The following FER1L6 variants were observed in gnomAD, a reference collection of about 807,000 sequenced individuals.
FER1L6 encodes fer-1 like family member 6, also known as fer-1-like protein 6.
Under a neutral mutation model 219.2 loss-of-function variants are expected in FER1L6, and 177 were observed. That is an observed-to-expected ratio of 0.81 (90% CI 0.71 to 0.91). The LOEUF (loss-of-function observed/expected upper bound fraction) is 0.91. Among genes scored for constraint, FER1L6 ranks in the 40% least tolerant of loss-of-function variants. FER1L6 has a pLI of 0.00. For missense variants in FER1L6, 2,153 were observed against 2,259.9 expected, an observed-to-expected ratio of 0.95 and a Z score of 0.96; for synonymous variants, 768 against 824.3, an observed-to-expected ratio of 0.93 and a Z score of 1.17.
rs71289633 is a variant in FER1L6 at position 124,003,451 on chromosome 8, C to CTT, written c.1700+133_1700+134dup. 3.5e-3 allele frequency: 392 copies of CTT among 111,746 alleles called. 30 individuals are homozygous for CTT. The highest frequency in any genetic ancestry group is 5.1e-3 in the South Asian group (22 of 4,298). 6.9% of individuals were successfully genotyped at this position (111,746 alleles called of 1,614,324 possible). On this transcript the variant is annotated intron_variant, in intron 13 of 40. Coordinates refer to ENST00000522917, the MANE Select transcript of FER1L6 (RefSeq NM_001039112.2). ...GTTCTTCACTAAAATCAGAAATGTC[C>CTT]TTTTTTTTTTTTTTTTTTTTTTTTT... is the stretch of plus-strand genomic sequence containing the variant.
intron 24 of FER1L6, among the ~76,000 whole-genome samples, chr8:124,061,447 A>G (rs1170619204): frequency 6.6e-6 from 1 of 152,148 alleles, no homozygotes; most frequent in East Asian, 1.9e-4. Context: ...CAGGGAAAAC[A>G]GGTGGCTGGG....
chr8:124,029,793 C>T (rs1818878814), intron 18 of FER1L6, among the ~76,000 whole-genome samples: 1 of 152,160 alleles, frequency 6.6e-6, no homozygotes, highest in Non-Finnish European at 1.5e-5. Flanking sequence ...TCAATTTCTG[C>T]TTTTGTTGCA....
rs371815770 is a variant in FER1L6 at position 123,886,762 on chromosome 8, A to G, written c.-8+34577A>G. ...GTCACTCCACTTCACTATTATATGT[A>G]TATAGCCAGGCATTGGTATGTTAAG... On this transcript the variant is annotated intron_variant, in intron 1 of 40. Transcript: ENST00000522917. Among the ~76,000 whole-genome samples, 80 of 152,314 alleles carry G rather than the reference A, an allele frequency of 5.3e-4. 2 individuals carry two copies. The South Asian group carries it at 0.016, about 31-fold the overall frequency.
rs964077258 is a variant in FER1L6 at position 123,969,334 on chromosome 8, G to A, written c.385-701G>A. ...TGGTAAATCCTGGTAATTTCACAGG[G>A]ATGTTTGAAACTGAAAAATCCTGGG... On this transcript the variant is annotated intron_variant, in intron 5 of 40. Transcript: ENST00000522917. 4.6e-5 allele frequency among the ~76,000 whole-genome samples: 7 copies of A among 152,068 alleles called. No individual in the cohort carries two copies. The South Asian group carries it at 6.2e-4, about 14-fold the overall frequency.
At chr8:124,004,624 C>T (rs1264578695) in intron 13 of FER1L6, among the ~76,000 whole-genome samples, 2 of 152,030 alleles carry the variant, frequency 1.3e-5, no homozygotes, top group Non-Finnish European at 2.9e-5. Flanking sequence ...TCATTGTCTT[C>T]ACAGACAACT....
chr8:123,889,720 T>C (rs962699117), intron 1 of FER1L6, among the ~76,000 whole-genome samples: 8 of 152,068 alleles, frequency 5.3e-5, no homozygotes, highest in African/African-American at 1.7e-4. Context: ...ATTTAAATTA[T>C]AGACTTGAGA....
In FER1L6 at chr8:124,021,631, C is replaced by T. The variant is rs1278813442; in HGVS notation, c.2095C>T (p.Gln699Ter). Residue 699 changes from glutamine (Q) to a stop codon, truncating the protein, a stop_gained, in exon 17 of 41, where the codon CAA (glutamine) becomes TAA (stop). Coordinates refer to ENST00000522917, the MANE Select transcript of FER1L6 (RefSeq NM_001039112.2). LOFTEE classifies it high-confidence loss of function. ...TGTTGATGAAATGATTCACGAAGCC[C>T]AAAACTTTGTGGAAAAAATCCGCTT... ...LSVDEMIHEA[Q>*]NFVEKIRFLV... 6.2e-7 allele frequency: 1 copy of T among 1,613,870 alleles called. No individual in the cohort carries two copies. Among genetic ancestry groups the T allele is most frequent in the Non-Finnish European group, 8.5e-7 (1 of 1,179,936 alleles).
At chr8:123,948,742 G>A (rs1369219943) in intron 1 of FER1L6, among the ~76,000 whole-genome samples, 1 of 151,006 alleles carries the variant, frequency 6.6e-6, no homozygotes, top group Non-Finnish European at 1.5e-5. Context: ...GGCCTCCAGT[G>A]CAGTGTTAAA....
rs761370738 is a variant in FER1L6, at chr8:123,970,025, T to C, written c.385-10T>C. 9.9e-6 allele frequency: 16 copies of C among 1,613,612 alleles called. No individual in the cohort carries two copies. Among genetic ancestry groups the C allele is most frequent in the Non-Finnish European group, 1.4e-5 (16 of 1,179,634 alleles). On this transcript the variant is annotated splice_polypyrimidine_tract_variant and intron_variant, in intron 5 of 40. Coordinates refer to ENST00000522917, the MANE Select transcript of FER1L6 (RefSeq NM_001039112.2). ...GGGTTGATGACCAGAATGAACTTTT[T>C]GTTTTGCAGTACTTTGTCTTCGACT...
intron 36 of FER1L6, 88 bp from the exon 37 acceptor site, chr8:124,097,697 T>C (rs549673673): frequency 7.7e-6 from 6 of 774,470 alleles, no homozygotes; most frequent in African/African-American, 1.7e-5. Context: ...AGGAAACTTA[T>C]AGACCAAAGG....
intron 1 of FER1L6, among the ~76,000 whole-genome samples, chr8:123,884,987 C>T (rs1817173508): frequency 6.6e-6 from 1 of 152,004 alleles, no homozygotes. Context: ...CTAGAGTGTC[C>T]TTAAAAAAAG....
At position 123,966,043 on chromosome 8, in the gene FER1L6, C is replaced by A. The variant is rs1240263155; in HGVS notation, c.234C>A (p.Val78=). The A allele has an allele frequency of 2.5e-6, 4 of 1,613,654 alleles. No individual in the cohort carries two copies. The highest frequency in any genetic ancestry group is 3.4e-6 in the Non-Finnish European group (4 of 1,179,756). The change falls in exon 4 of 41, where the codon GTC becomes GTA. Residue 78 remains valine, a synonymous_variant. Coordinates refer to ENST00000522917, the MANE Select transcript of FER1L6 (RefSeq NM_001039112.2). ...TGACTAAGATCCATGATGGGGAGGT[C>A]AGATCCCAAAATTATCAAGTAAGTG... ...KLLTKIHDGE[V]RSQNYQIAIT...
intron 32 of FER1L6, among the ~76,000 whole-genome samples, chr8:124,081,185 T>G (rs191734277): frequency 6.6e-6 from 1 of 152,284 alleles, no homozygotes; most frequent in Non-Finnish European, 1.5e-5. Flanking sequence ...CCCAGCCCAG[T>G]TCATCCTGTA....
chr8:123,946,663 C>T (rs930639553), intron 1 of FER1L6, among the ~76,000 whole-genome samples: 13 of 152,096 alleles, frequency 8.5e-5, no homozygotes, highest in Admixed American at 5.2e-4. Flanking sequence ...CCCTCAGGTA[C>T]GAGAGGAGGA....
At chr8:124,094,238 G>T (rs1822176895) in intron 34 of FER1L6, among the ~76,000 whole-genome samples, 1 of 152,064 alleles carries the variant, frequency 6.6e-6, no homozygotes, top group African/African-American at 2.4e-5. Flanking sequence ...TTAGCAAACA[G>T]TTTTGCACCT....
intron 1 of FER1L6, among the ~76,000 whole-genome samples, chr8:123,930,359 G>C (rs1228679951): frequency 7.3e-6 from 1 of 136,904 alleles, no homozygotes; most frequent in Non-Finnish European, 1.6e-5. Flanking sequence ...ATTTTTTTTT[G>C]TCTCATGTGT....
At chr8:124,038,149 C>T (rs1201809215) in intron 19 of FER1L6, among the ~76,000 whole-genome samples, 1 of 152,162 alleles carries the variant, frequency 6.6e-6, no homozygotes, top group Admixed American at 6.5e-5. Context: ...CATTCTTGCC[C>T]CATGTGGCCT....
intron 1 of FER1L6, among the ~76,000 whole-genome samples, chr8:123,892,426 G>C (rs1212892482): frequency 1.3e-5 from 2 of 152,052 alleles, no homozygotes; most frequent in African/African-American, 4.8e-5. Context: ...CAAGTAGCTG[G>C]GATTACAGGT....
chr8:123,975,429 T>G, intron 8 of FER1L6, 123 bp downstream of exon 8: 1 of 910,662 alleles, frequency 1.1e-6, no homozygotes, highest in Non-Finnish European at 1.6e-6. Flanking sequence ...CTTGGTCACC[T>G]GGCATTCTGC....
Sources: gnomAD v4.1 joint callset for allele counts (sites outside exome capture counted in the v4.1 genomes callset) on GRCh38, gnomAD v4.1.1 for gene constraint, MANE v1.5 for transcripts, NCBI Gene and HGNC (gene_info 2026-07-23, HGNC 2026-07-21) for gene names.